The following ARNT variants were observed in gnomAD, a reference collection of about 807,000 sequenced individuals.
ARNT encodes the protein class E basic helix-loop-helix protein 2.
In ARNT, 30 loss-of-function variants were observed where a neutral mutation model predicts 105.0. The ratio of observed to expected loss-of-function variants is 0.29; its 90% CI spans 0.21 to 0.39. ARNT has a LOEUF of 0.39. Among genes scored for constraint, ARNT ranks in the 10% least tolerant of loss-of-function variants. The pLI, the probability that ARNT is intolerant of heterozygous loss-of-function variation, is 1.00. For synonymous variants in ARNT, 304 were observed against 344.0 expected, an observed-to-expected ratio of 0.88 and a Z score of 1.29; for missense variants, 748 against 978.7, an observed-to-expected ratio of 0.76 and a Z score of 3.15.
chr1:150,856,777 A>C (rs1398635135), intron 2 of ARNT, among the ~76,000 whole-genome samples: 1 of 151,856 alleles, frequency 6.6e-6, no homozygotes, highest in East Asian at 1.9e-4. Context: ...TAAATAAGTA[A>C]ATAAAAATAA....
chr1:150,853,068 G>A (rs1405134183), intron 2 of ARNT: 4 of 434,158 alleles, frequency 9.2e-6, no homozygotes, highest in South Asian at 6.8e-5. Flanking sequence ...ATCACCTGAG[G>A]TCAGGAGTTC....
intron 10 of ARNT, among the ~76,000 whole-genome samples, chr1:150,830,640 TATGCTTTGCCTA>T (rs905513584): frequency 1.3e-5 from 2 of 152,214 alleles, no homozygotes; most frequent in African/African-American, 2.4e-5. Flanking sequence ...GCAGAAAATT[TATGCTTTGCCTA>T]ATCTGTAACT....
At chr1:150,830,176 T>A in intron 10 of ARNT, 196 bp from the exon 11 acceptor site, 1 of 533,514 alleles carries the variant, frequency 1.9e-6, no homozygotes, top group Non-Finnish European at 3.3e-6. Context: ...TGAAACCCCA[T>A]CTCTACTAAA....
At chr1:150,821,883 G>A (rs901271276) in intron 14 of ARNT, among the ~76,000 whole-genome samples, 5 of 147,602 alleles carry the variant, frequency 3.4e-5, no homozygotes, top group Non-Finnish European at 7.4e-5. Flanking sequence ...TGTTGGCCAG[G>A]CTGGTCTCGA....
At chr1:150,814,415 T>C (rs1316911486) in intron 19 of ARNT, among the ~76,000 whole-genome samples, 176 bp from the exon 20 acceptor site, 1 of 152,210 alleles carries the variant, frequency 6.6e-6, no homozygotes, top group Non-Finnish European at 1.5e-5. Flanking sequence ...CACTATTTTT[T>C]AGGCAGCTGA....
rs781694598 is a variant in ARNT at position 150,816,314 on chromosome 1, G to C, written c.1895C>G (p.Thr632Ser). ...LAQISRHSNP[T>S]QGATPTWTPT... ...GGTCCAAGTTGGGGTTGCTCCTTGG[G>C]TGGGGTTGGAGTGGCGGGAAATCTG... Residue 632 changes from threonine to serine, a missense_variant, in exon 19 of 22, where the codon ACC becomes AGC. By Grantham distance (58) the Thr-to-Ser change is moderately conservative. Around this residue, in one of 4 missense-constraint regions of ARNT, gnomAD observed 360 missense variants for 411.9 expected, o/e 0.87. Transcript: ENST00000358595. 6.2e-7 allele frequency: 1 copy of C among 1,607,240 alleles called. No homozygotes were observed. The highest frequency in any genetic ancestry group is 2.2e-5 in the East Asian group (1 of 44,564).
intron 1 of ARNT, among the ~76,000 whole-genome samples, chr1:150,876,184 T>C (rs1668214823): frequency 6.6e-6 from 1 of 152,180 alleles, no homozygotes; most frequent in Admixed American, 6.5e-5. Flanking sequence ...CCTACAGTTT[T>C]CGGCATCAAG....
At chr1:150,872,509 C>T (rs997397299) in intron 1 of ARNT, among the ~76,000 whole-genome samples, 2 of 152,214 alleles carry the variant, frequency 1.3e-5, no homozygotes, top group Non-Finnish European at 2.9e-5. Flanking sequence ...GAATTCTCTG[C>T]TAATGAGAAT....
intron 2 of ARNT, 29 bp downstream of exon 2, chr1:150,858,320 T>C (rs377688526): frequency 1.3e-6 from 2 of 1,529,328 alleles, no homozygotes; most frequent in Non-Finnish European, 1.8e-6. Flanking sequence ...ATAGGAGAGA[T>C]ATTCATAACA....
chr1:150,842,533 G>C (rs761382580), intron 4 of ARNT, 65 bp from the exon 5 acceptor site: 16 of 1,412,018 alleles, frequency 1.1e-5, no homozygotes, highest in Non-Finnish European at 1.5e-5. Context: ...AGGGGGGAGG[G>C]AGGAAGGGAA....
intron 14 of ARNT, 74 bp from the exon 15 acceptor site, chr1:150,818,104 T>G (rs1009168114): frequency 3.0e-5 from 30 of 986,602 alleles, no homozygotes; most frequent in African/African-American, 4.9e-5. Context: ...AAGAGAAGAA[T>G]AAGATTCTGT....
At chr1:150,854,066 C>A (rs1664103180) in intron 2 of ARNT, among the ~76,000 whole-genome samples, 1 of 152,134 alleles carries the variant, frequency 6.6e-6, no homozygotes, top group African/African-American at 2.4e-5. Context: ...AACTCAAATT[C>A]TTTCTTTCTC....
At chr1:150,835,799 A>G (rs981805472) in intron 7 of ARNT, among the ~76,000 whole-genome samples, 7 of 146,316 alleles carry the variant, frequency 4.8e-5, no homozygotes, top group African/African-American at 7.5e-5. Context: ...AATAGGGGAG[A>G]AAAAAAGAAC....
rs1298715897 is a variant in ARNT at position 150,876,537 on chromosome 1, C to T, written c.25+6G>A. On this transcript the variant is annotated splice_donor_region_variant and intron_variant, in intron 1 of 21. Coordinates refer to ENST00000358595, the MANE Select transcript of ARNT (RefSeq NM_001668.4). ...TTAGAGGCGCCCCAGTCCTCCGTCT[C>T]CTCACCGGGGTTGGCAGTAGTCGCC... The T allele has an allele frequency of 6.4e-7, 1 of 1,551,262 alleles. No homozygotes were observed. The highest frequency in any genetic ancestry group is 8.7e-7 in the Non-Finnish European group (1 of 1,147,952).
chr1:150,826,431 TA>T, intron 13 of ARNT, 111 bp downstream of exon 13: 1 of 814,190 alleles, frequency 1.2e-6, no homozygotes, highest in Non-Finnish European at 2.0e-6. Flanking sequence ...GATTAACTAC[TA>T]AAGAACATAA....
chr1:150,817,439 T>A lies in ARNT; in HGVS notation c.1506-6A>T. 3.7e-6 allele frequency: 6 copies of A among 1,613,962 alleles called. No homozygotes were observed. Among genetic ancestry groups the A allele is most frequent in the Non-Finnish European group, 5.1e-6 (6 of 1,179,960 alleles). ...CTGTTTGCTGTTGCTGCTGCCTATA[T>A]GTCAAAGGCCAGTTGACAAGACAAA... On this transcript the variant is annotated splice_region_variant and splice_polypyrimidine_tract_variant and intron_variant, in intron 15 of 21. Coordinates refer to ENST00000358595, the MANE Select transcript of ARNT (RefSeq NM_001668.4).
At chr1:150,861,252 G>T (rs1287692820) in intron 1 of ARNT, 1 of 426,152 alleles carries the variant, frequency 2.3e-6, no homozygotes, top group South Asian at 1.7e-5. Context: ...CGCACCTGTA[G>T]TCCCAGCTAC....
intron 1 of ARNT, among the ~76,000 whole-genome samples, chr1:150,860,420 T>C (rs587635179): frequency 6.6e-6 from 1 of 151,332 alleles, no homozygotes; most frequent in South Asian, 2.1e-4. Flanking sequence ...TTCACCATGT[T>C]GGCCAGGCTG....
chr1:150,816,289 G>A lies in ARNT; in HGVS notation c.1920C>T (p.Thr640=), dbSNP rs758403177. The A allele has an allele frequency of 1.3e-5, 21 of 1,607,578 alleles. No homozygotes were observed. Among genetic ancestry groups the A allele is most frequent in the Admixed American group, 8.6e-5 (5 of 57,906 alleles). ...NPTQGATPTW[T]PTTRSGFSAQ... is the part of the protein sequence containing the mutation. ...CAGAAAAGCCTGAGCGGGTAGTAGG[G>A]GTCCAAGTTGGGGTTGCTCCTTGGG... The change falls in exon 19 of 22, where the codon ACC becomes ACT. Residue 640 remains threonine, a synonymous_variant. Coordinates refer to ENST00000358595, the MANE Select transcript of ARNT (RefSeq NM_001668.4).
Sources: allele counts gnomAD v4.1 joint callset (sites outside exome capture counted in the v4.1 genomes callset), GRCh38; gene constraint gnomAD v4.1.1; regional missense constraint gnomAD v4.1.1; transcripts MANE v1.5; gene names NCBI Gene and HGNC (gene_info 2026-07-23, HGNC 2026-07-21).